CSMD3: variants seen among roughly 807,000 people sequenced by gnomAD.
CSMD3 encodes the protein CUB and sushi domain-containing protein 3.
CSMD3 carries 177 observed loss-of-function variants against 435.2 expected under a neutral mutation model. The observed-to-expected ratio is 0.41, with a 90% CI of 0.36 to 0.46. CSMD3 has a LOEUF of 0.46. Ranked by LOEUF, CSMD3 falls within the 20% of genes least tolerant of loss-of-function variation. The probability of loss-of-function intolerance (pLI) is 0.34; values close to 1 mark genes in which losing one functional copy is unlikely to be tolerated. For synonymous variants in CSMD3, 1,656 were observed against 1,520.5 expected (o/e 1.09, Z -2.07); for missense variants, 4,265 against 4,504.6 (o/e 0.95, Z 1.52).
intron 1 of CSMD3, among the ~76,000 whole-genome samples, chr8:113,388,754 T>C (rs2094449653): frequency 6.6e-6 from 1 of 151,664 alleles, no homozygotes; most frequent in Admixed American, 6.6e-5. Context: ...TAAGAAAAGA[T>C]ATCTTCAGCT....
intron 3 of CSMD3, among the ~76,000 whole-genome samples, chr8:113,206,336 T>C (rs900732757): frequency 6.6e-6 from 1 of 152,312 alleles, no homozygotes; most frequent in African/African-American, 2.4e-5. Context: ...TATACTCTTT[T>C]TCCATTTAAT....
At chr8:112,964,016 G>C (rs996557725) in intron 7 of CSMD3, among the ~76,000 whole-genome samples, 1 of 151,806 alleles carries the variant, frequency 6.6e-6, no homozygotes, top group African/African-American at 2.4e-5. Flanking sequence ...AAATGATCCA[G>C]AAAGGGGCAG....
chr8:112,645,046 A>G (rs1242636363), intron 20 of CSMD3, 63 bp downstream of exon 20: 4 of 877,396 alleles, frequency 4.6e-6, no homozygotes, highest in East Asian at 4.8e-5. Context: ...GGAAAGTGAA[A>G]TAAGAATAGA....
At chr8:113,427,822 C>T (rs1412097019) in intron 1 of CSMD3, among the ~76,000 whole-genome samples, 1 of 151,526 alleles carries the variant, frequency 6.6e-6, no homozygotes, top group East Asian at 1.9e-4. Context: ...TTCTGTAGAG[C>T]TGAGTGGAAG....
intron 32 of CSMD3, among the ~76,000 whole-genome samples, chr8:112,431,247 T>G (rs182905699): frequency 6.6e-6 from 1 of 152,276 alleles, no homozygotes. Flanking sequence ...CTACTAAATA[T>G]AAAAATTAAT....
chr8:113,220,606 A>C (rs1458102304), intron 3 of CSMD3, among the ~76,000 whole-genome samples: 2 of 151,514 alleles, frequency 1.3e-5, no homozygotes. Flanking sequence ...AGAAAGTCAA[A>C]TATTGGCTGG....
At chr8:112,419,969 T>C (rs962639540) in intron 32 of CSMD3, among the ~76,000 whole-genome samples, 2 of 152,190 alleles carry the variant, frequency 1.3e-5, no homozygotes, top group Non-Finnish European at 1.5e-5. Flanking sequence ...TGTTCAAATA[T>C]GTTATTAGCA....
intron 12 of CSMD3, among the ~76,000 whole-genome samples, chr8:112,808,888 C>A (rs2079155731): frequency 6.6e-6 from 1 of 152,006 alleles, no homozygotes; most frequent in Non-Finnish European, 1.5e-5. Flanking sequence ...TTCTCTACAA[C>A]TCGCTCGGTT....
intron 7 of CSMD3, among the ~76,000 whole-genome samples, chr8:112,964,060 G>A (rs1287900567): frequency 6.6e-6 from 1 of 151,784 alleles, no homozygotes; most frequent in Admixed American, 6.6e-5. Context: ...AAAGCATTAG[G>A]TACTCTATGT....
chr8:112,755,735 A>G (rs2077683270), intron 13 of CSMD3, among the ~76,000 whole-genome samples: 2 of 150,816 alleles, frequency 1.3e-5, no homozygotes, highest in South Asian at 2.1e-4. Flanking sequence ...AATATGCTTT[A>G]TATTTAAATG....
intron 13 of CSMD3, among the ~76,000 whole-genome samples, chr8:112,695,004 A>C (rs1207874378): frequency 1.3e-5 from 2 of 151,968 alleles, no homozygotes; most frequent in Non-Finnish European, 2.9e-5. Context: ...GCATCACCTC[A>C]CTCAGGAAGC....
chr8:113,027,504 T>C (rs1263652932), intron 5 of CSMD3, among the ~76,000 whole-genome samples: 1 of 152,142 alleles, frequency 6.6e-6, no homozygotes, highest in African/African-American at 2.4e-5. Context: ...GACCAGGTGG[T>C]GTTTCCTTGT....
intron 57 of CSMD3, among the ~76,000 whole-genome samples, chr8:112,288,490 A>G (rs368429983): frequency 2.6e-5 from 4 of 152,186 alleles, no homozygotes; most frequent in African/African-American, 7.2e-5. Context: ...TTAATTTACC[A>G]TTTCACTGCT....
intron 19 of CSMD3, among the ~76,000 whole-genome samples, chr8:112,646,980 C>T (rs1048472473): frequency 6.6e-6 from 1 of 151,710 alleles, no homozygotes; most frequent in African/African-American, 2.4e-5. Flanking sequence ...TGGCACTATT[C>T]TGCAGATTTT....
chr8:113,270,849 T>C (rs1442227197), intron 3 of CSMD3, among the ~76,000 whole-genome samples: 1 of 151,848 alleles, frequency 6.6e-6, no homozygotes, highest in East Asian at 1.9e-4. Flanking sequence ...GGGGGAGGGA[T>C]AGCATTAAGA....
intron 11 of CSMD3, among the ~76,000 whole-genome samples, chr8:112,845,871 G>T (rs896320653): frequency 6.6e-6 from 1 of 151,866 alleles, no homozygotes; most frequent in South Asian, 2.1e-4. Flanking sequence ...AAAAGGGGAA[G>T]GATGTAAAAT....
intron 59 of CSMD3, among the ~76,000 whole-genome samples, chr8:112,270,317 T>G (rs540301271): frequency 1.0e-4 from 14 of 136,206 alleles, no homozygotes; most frequent in Admixed American, 3.1e-4. Flanking sequence ...ATAATTGAAC[T>G]AGAATTTCTA....
intron 13 of CSMD3, among the ~76,000 whole-genome samples, chr8:112,704,967 C>T (rs931170950): frequency 6.6e-6 from 1 of 152,024 alleles, no homozygotes; most frequent in Non-Finnish European, 1.5e-5. Flanking sequence ...ATCCACACTT[C>T]TTGATGATTA....
chr8:112,786,259 G>A (rs1451445684), intron 13 of CSMD3, among the ~76,000 whole-genome samples: 7 of 152,024 alleles, frequency 4.6e-5, no homozygotes, highest in Admixed American at 3.9e-4. Flanking sequence ...CTTATCTCTT[G>A]CCATAGGCAT....
Sources: allele counts gnomAD v4.1 joint callset (sites outside exome capture counted in the v4.1 genomes callset), GRCh38; gene constraint gnomAD v4.1.1; transcripts MANE v1.5; gene names NCBI Gene and HGNC (gene_info 2026-07-23, HGNC 2026-07-21).